MYO16: variants seen among roughly 807,000 people sequenced by gnomAD.
MYO16 encodes the protein unconventional myosin-XVI.
Under a neutral mutation model 205.3 loss-of-function variants are expected in MYO16, and 94 were observed. The observed-to-expected ratio is 0.46, with a 90% confidence interval of 0.39 to 0.54. The LOEUF is 0.54. Ranked by LOEUF, MYO16 falls within the 20% of genes least tolerant of loss-of-function variation. MYO16 has a pLI of 0.00. For synonymous variants in MYO16, 988 were observed against 954.0 expected (o/e 1.04, Z -0.66); for missense variants, 2,315 against 2,387.5 (o/e 0.97, Z 0.63).
intron 4 of MYO16, among the ~76,000 whole-genome samples, chr13:108,778,380 A>T (rs1886190751): frequency 6.6e-6 from 1 of 152,192 alleles, no homozygotes; most frequent in Non-Finnish European, 1.5e-5. Flanking sequence ...ACACTTTGGG[A>T]GGCCAAGGCA....
At position 109,127,533 on chromosome 13, in the gene MYO16, G is replaced by A; in HGVS notation, c.4034G>A (p.Arg1345Lys). The A allele has an allele frequency of 9.9e-6, 16 of 1,611,194 alleles. No homozygotes were observed. The highest frequency in any genetic ancestry group is 1.4e-5 in the Non-Finnish European group (16 of 1,179,814). The change falls in exon 31 of 35, where the codon AGG (arginine) becomes AAG (lysine). Residue 1345 changes from arginine to lysine, a missense_variant. Coordinates refer to ENST00000457511, the MANE Select transcript of MYO16 (RefSeq NM_001198950.3). The surrounding 1 kb of genome is among the most constrained non-coding windows in gnomAD (Gnocchi z 4.2). ...EAVSACLSAA[R>K]EAANEALARP... ...GTGAGCGCCTGCCTCTCCGCGGCCAGGGAAGCGGCCAACGAAGGTCAGCCC... is the reference window on the plus strand; with the variant it reads ...GTGAGCGCCTGCCTCTCCGCGGCCAAGGAAGCGGCCAACGAAGGTCAGCCC...
intron 21 of MYO16, among the ~76,000 whole-genome samples, chr13:108,994,521 G>C (rs948248852): frequency 6.6e-6 from 1 of 152,048 alleles, no homozygotes; most frequent in African/African-American, 2.4e-5. Flanking sequence ...TGGTTTGAGC[G>C]ATACATTTTA....
At chr13:108,958,820 C>T (rs536713403) in intron 17 of MYO16, among the ~76,000 whole-genome samples, 12 of 152,258 alleles carry the variant, frequency 7.9e-5, no homozygotes, top group African/African-American at 2.6e-4. Context: ...CTCCATTCAA[C>T]ATGGTGGTGT....
intron 4 of MYO16, among the ~76,000 whole-genome samples, chr13:108,769,476 C>T (rs1211329666): frequency 6.6e-6 from 1 of 152,102 alleles, no homozygotes; most frequent in African/African-American, 2.4e-5. Flanking sequence ...AGCTTTCATT[C>T]TGGGGATCAT....
chr13:108,974,461 C>T (rs1360757326), intron 20 of MYO16, among the ~76,000 whole-genome samples: 1 of 152,010 alleles, frequency 6.6e-6, no homozygotes, highest in Non-Finnish European at 1.5e-5. Flanking sequence ...GTTCCTCCTC[C>T]CCCAAAAATC....
chr13:108,679,741 T>C (rs962944163), intron 2 of MYO16, among the ~76,000 whole-genome samples: 1 of 150,158 alleles, frequency 6.7e-6, no homozygotes, highest in Non-Finnish European at 1.5e-5. Flanking sequence ...ATAATAATAA[T>C]AAATAAAAAT....
intron 21 of MYO16, among the ~76,000 whole-genome samples, chr13:109,007,344 C>T (rs574810375): frequency 3.4e-4 from 52 of 151,010 alleles, no homozygotes; most frequent in African/African-American, 1.3e-3. Context: ...GCCGAGATGG[C>T]GCCACTGCAC....
At chr13:108,989,197 G>T (rs1470629058) in intron 20 of MYO16, among the ~76,000 whole-genome samples, 2 of 152,030 alleles carry the variant, frequency 1.3e-5, no homozygotes, top group African/African-American at 4.8e-5. Flanking sequence ...TGTGGCTTAG[G>T]TTTATTTGAC....
intron 12 of MYO16, among the ~76,000 whole-genome samples, chr13:108,871,662 C>G (rs890190535): frequency 2.0e-5 from 3 of 152,120 alleles, no homozygotes; most frequent in African/African-American, 4.8e-5. Flanking sequence ...GAACCCTGAA[C>G]TTGGATTTTT....
rs188101623 is a variant in MYO16 at position 108,936,329 on chromosome 13, A to T, written c.1926-21359A>T. ...CTTCTTTGTATTTTGTATGGTAAAA[A>T]TTTGCTGTGAATCAGTCTGGTCCAG... On this transcript the variant is annotated intron_variant, in intron 16 of 34. Coordinates refer to ENST00000457511, the MANE Select transcript of MYO16 (RefSeq NM_001198950.3). 4.1e-3 allele frequency among the ~76,000 whole-genome samples: 627 copies of T among 152,060 alleles called. 6 individuals carry two copies. The highest frequency in any genetic ancestry group is 0.013 in the African/African-American group (555 of 41,516).
intron 1 of MYO16, among the ~76,000 whole-genome samples, chr13:108,611,191 G>A (rs1176111331): frequency 2.0e-5 from 3 of 152,072 alleles, no homozygotes; most frequent in Admixed American, 6.6e-5. Flanking sequence ...AAAATATAAA[G>A]AGACAATGGC....
intron 1 of MYO16, among the ~76,000 whole-genome samples, chr13:108,607,061 G>T (rs1335491874): frequency 1.3e-5 from 2 of 152,166 alleles, no homozygotes; most frequent in Non-Finnish European, 1.5e-5. Context: ...ATTGGAACTG[G>T]TGTACTTACC....
At chr13:109,002,924 C>T (rs1221067934) in intron 21 of MYO16, among the ~76,000 whole-genome samples, 3 of 151,962 alleles carry the variant, frequency 2.0e-5, no homozygotes, top group Non-Finnish European at 2.9e-5. Flanking sequence ...ATGAGGTATC[C>T]GATATTGAAT....
At chr13:108,802,173 C>T (rs58775680) in intron 6 of MYO16, among the ~76,000 whole-genome samples, 6,312 of 152,164 alleles carry the variant, frequency 0.041, 202 homozygotes, top group African/African-American at 0.095. Flanking sequence ...TGCTTTGCAA[C>T]GGATCTCAAA....
chr13:109,051,102 T>C (rs1323512113), intron 24 of MYO16, among the ~76,000 whole-genome samples: 1 of 152,186 alleles, frequency 6.6e-6, no homozygotes. Flanking sequence ...ATAGATAACA[T>C]ATAGGTGTAT....
At position 109,100,879 on chromosome 13, in the gene MYO16, G is replaced by A. The variant is rs1184290284; in HGVS notation, c.3430G>A (p.Gly1144Ser). 2 of 1,612,266 alleles carry A rather than the reference G, an allele frequency of 1.2e-6. No homozygotes were observed. Among genetic ancestry groups the A allele is most frequent in the East Asian group, 2.2e-5 (1 of 44,840 alleles). ...TGTTCTCCAGCAGTGTAAATTACAAGGCTGGCAGGTTGGTGACCTACAAGC... is the reference window on the plus strand; with the variant it reads ...TGTTCTCCAGCAGTGTAAATTACAAAGCTGGCAGGTTGGTGACCTACAAGC... ...RLVLQQCKLQGWQMGVRKVFL... is the reference protein window; with the variant it reads ...RLVLQQCKLQSWQMGVRKVFL... The change falls in exon 28 of 35, where the codon GGC becomes AGC. Residue 1144 changes from glycine (G) to serine (S), a missense_variant. Coordinates refer to ENST00000457511, the MANE Select transcript of MYO16 (RefSeq NM_001198950.3).
intron 13 of MYO16, among the ~76,000 whole-genome samples, chr13:108,885,713 T>G (rs1052076754): frequency 6.6e-6 from 1 of 152,190 alleles, no homozygotes; most frequent in Non-Finnish European, 1.5e-5. Context: ...TACATAACTT[T>G]TGAGTGCTCC....
chr13:108,632,043 A>G (rs934166614), intron 1 of MYO16, among the ~76,000 whole-genome samples: 2 of 141,690 alleles, frequency 1.4e-5, no homozygotes, highest in Admixed American at 1.6e-4. Context: ...GCGCCATTGC[A>G]CTCCAGCCTG....
intron 4 of MYO16, 112 bp from the exon 5 acceptor site, chr13:108,785,523 C>G (rs1886430353): frequency 5.6e-6 from 3 of 534,484 alleles, no homozygotes; most frequent in Non-Finnish European, 9.5e-6. Context: ...AGGGTGATAT[C>G]TACCGTAGAC....
Sources: allele counts gnomAD v4.1 joint callset (sites outside exome capture counted in the v4.1 genomes callset), GRCh38; gene constraint gnomAD v4.1.1; non-coding constraint Gnocchi (gnomAD v3.1); transcripts MANE v1.5; gene names NCBI Gene and HGNC (gene_info 2026-07-23, HGNC 2026-07-21).